The following PTPRD variants were observed in gnomAD, a reference collection of about 807,000 sequenced individuals.
PTPRD encodes the protein protein tyrosine phosphatase receptor type D.
PTPRD carries 34 observed loss-of-function variants against 214.5 expected under a neutral mutation model. The ratio of observed to expected loss-of-function variants is 0.16; its 90% confidence interval spans 0.12 to 0.21. The LOEUF is 0.21. Ranked by LOEUF, PTPRD falls within the 10% of genes least tolerant of loss-of-function variation. The probability of loss-of-function intolerance (pLI) is 1.00; values close to 1 mark genes in which losing one functional copy is unlikely to be tolerated. For synonymous variants in PTPRD, 1,128 were observed against 845.7 expected, an observed-to-expected ratio of 1.33 and a Z score of -5.79; for missense variants, 2,545 against 2,398.7, an observed-to-expected ratio of 1.06 and a Z score of -1.27.
chr9:8,516,327 T>C (rs1294582356), intron 21 of PTPRD, among the ~76,000 whole-genome samples: 1 of 152,200 alleles, frequency 6.6e-6, no homozygotes, highest in African/African-American at 2.4e-5. Context: ...GGATAGTTTT[T>C]AATACAACTG....
At chr9:10,045,412 A>G (rs902998226) in intron 3 of PTPRD, among the ~76,000 whole-genome samples, 1 of 151,680 alleles carries the variant, frequency 6.6e-6, no homozygotes, top group Non-Finnish European at 1.5e-5. Context: ...CGTATTTTCT[A>G]TATCTGTACT....
At chr9:10,610,161 CA>C (rs1354109685) in intron 2 of PTPRD, among the ~76,000 whole-genome samples, 3 of 151,934 alleles carry the variant, frequency 2.0e-5, no homozygotes, top group South Asian at 2.1e-4. Flanking sequence ...AGCTGGTGGC[CA>C]AAAAGGTGAC....
intron 2 of PTPRD, among the ~76,000 whole-genome samples, chr9:10,536,051 C>T (rs763751005): frequency 2.6e-5 from 4 of 152,044 alleles, no homozygotes; most frequent in South Asian, 2.1e-4. Context: ...CCTCTTACAG[C>T]GGAATCACTT....
intron 3 of PTPRD, among the ~76,000 whole-genome samples, chr9:10,151,915 G>C (rs1050392607): frequency 6.6e-6 from 1 of 152,154 alleles, no homozygotes; most frequent in African/African-American, 2.4e-5. Flanking sequence ...CTATGCTATG[G>C]ATATACCACA....
At chr9:10,156,844 T>A (rs185179170) in intron 3 of PTPRD, among the ~76,000 whole-genome samples, 2 of 152,318 alleles carry the variant, frequency 1.3e-5, no homozygotes, top group East Asian at 3.9e-4. Flanking sequence ...ATATTTAGGA[T>A]AGTTAGGTCT....
At chr9:9,738,969 T>A (rs995456144) in intron 6 of PTPRD, among the ~76,000 whole-genome samples, 2 of 152,222 alleles carry the variant, frequency 1.3e-5, no homozygotes, top group Admixed American at 6.5e-5. Context: ...GGTATTTTTA[T>A]ATTACTTGTA....
chr9:8,570,509 G>C (rs186244357), intron 14 of PTPRD, among the ~76,000 whole-genome samples: 14 of 152,270 alleles, frequency 9.2e-5, no homozygotes, highest in African/African-American at 3.4e-4. Flanking sequence ...AATGTGGTGT[G>C]TAAAGTATGG....
intron 11 of PTPRD, among the ~76,000 whole-genome samples, chr9:8,867,916 G>T (rs762339675): frequency 6.6e-6 from 1 of 152,056 alleles, no homozygotes; most frequent in Non-Finnish European, 1.5e-5. Flanking sequence ...AATTTTTCTA[G>T]ATTACATTGT....
At chr9:10,248,051 C>A (rs567781487) in intron 3 of PTPRD, among the ~76,000 whole-genome samples, 129 of 152,264 alleles carry the variant, frequency 8.5e-4, no homozygotes, top group African/African-American at 2.7e-3. Context: ...CTCTTGCCTG[C>A]TGCCATGTGA....
Position 8,994,871 on chromosome 9 carries a change from A to G in PTPRD, c.-104+23826T>C, listed in dbSNP as rs182228488. Among the ~76,000 whole-genome samples, 78 of 152,216 alleles carry G rather than the reference A, an allele frequency of 5.1e-4. No homozygotes were observed. The East Asian group carries it at 0.013, about 25-fold the overall frequency. ...AACTAAAAATACTCTTAGTTGTTCT[A>G]CTTATATCCTACTGCTCAAAATTAA... On this transcript the variant is annotated intron_variant, in intron 11 of 45. Coordinates refer to ENST00000381196, the MANE Select transcript of PTPRD (RefSeq NM_002839.4).
chr9:9,746,358 T>C (rs2098458005), intron 6 of PTPRD, among the ~76,000 whole-genome samples: 1 of 152,034 alleles, frequency 6.6e-6, no homozygotes, highest in Non-Finnish European at 1.5e-5. Flanking sequence ...AAGGAGACAG[T>C]CTCAGAGACT....
chr9:9,278,557 A>G (rs954402971), intron 9 of PTPRD, among the ~76,000 whole-genome samples: 1 of 151,414 alleles, frequency 6.6e-6, no homozygotes, highest in East Asian at 2.0e-4. Context: ...ATTTGGGAAA[A>G]GTTAAGAGCC....
intron 2 of PTPRD, among the ~76,000 whole-genome samples, chr9:10,554,051 C>G (rs191227671): frequency 1.3e-5 from 2 of 152,122 alleles, no homozygotes; most frequent in Non-Finnish European, 2.9e-5. Context: ...CATACAAGAA[C>G]ATCACAAAGT....
chr9:10,245,224 A>G (rs552592022), intron 3 of PTPRD, among the ~76,000 whole-genome samples: 1 of 152,104 alleles, frequency 6.6e-6, no homozygotes, highest in African/African-American at 2.4e-5. Flanking sequence ...TAGATTAGTC[A>G]TATGTTATAG....
chr9:9,586,508 A>T (rs895003758), intron 7 of PTPRD, among the ~76,000 whole-genome samples: 1 of 152,004 alleles, frequency 6.6e-6, no homozygotes, highest in African/African-American at 2.4e-5. Context: ...CAGTTGTTCA[A>T]TATGAAACCT....
chr9:10,090,024 C>A (rs10119369), intron 3 of PTPRD, among the ~76,000 whole-genome samples: 8,222 of 151,650 alleles, frequency 0.054, 329 homozygotes, highest in African/African-American at 0.1. Context: ...GTGAAGGACA[C>A]TATCTACAAG....
intron 3 of PTPRD, among the ~76,000 whole-genome samples, chr9:10,332,505 C>T (rs1318691460): frequency 6.6e-6 from 1 of 151,716 alleles, no homozygotes; most frequent in African/African-American, 2.4e-5. Context: ...CTTTCGAACC[C>T]ATATGTCTCT....
intron 12 of PTPRD, among the ~76,000 whole-genome samples, chr9:8,671,085 G>C (rs73640935): frequency 0.01 from 1,564 of 152,242 alleles, 28 homozygotes; most frequent in African/African-American, 0.035. Context: ...TACCTATACA[G>C]TGTGCTTGGA....
At chr9:10,037,594 A>C (rs528529237) in intron 3 of PTPRD, among the ~76,000 whole-genome samples, 6 of 152,108 alleles carry the variant, frequency 3.9e-5, no homozygotes, top group African/African-American at 9.6e-5. Flanking sequence ...AAAAAAAAAA[A>C]AAAAACAAGC....
Sources: gnomAD v4.1 joint callset for allele counts (sites outside exome capture counted in the v4.1 genomes callset) on GRCh38, gnomAD v4.1.1 for gene constraint, MANE v1.5 for transcripts, NCBI Gene and HGNC (gene_info 2026-07-23, HGNC 2026-07-21) for gene names.